TARBP1: variants seen among roughly 807,000 people sequenced by gnomAD.
The protein encoded by TARBP1 is tRNA guanosine 2 -O-methyltransferase TARBP1.
In TARBP1, 144 loss-of-function variants were observed where a neutral mutation model predicts 178.6. The observed-to-expected ratio is 0.81, with a 90% confidence interval of 0.70 to 0.93. TARBP1 has a LOEUF of 0.93. Among genes scored for constraint, TARBP1 ranks in the 40% least tolerant of loss-of-function variants. TARBP1 has a pLI of 0.00. For synonymous variants in TARBP1, 787 were observed against 781.0 expected, an observed-to-expected ratio of 1.01 and a Z score of -0.13; for missense variants, 2,067 against 2,011.7, an observed-to-expected ratio of 1.03 and a Z score of -0.53.
chr1:234,411,784 T>G (rs1661849362), intron 22 of TARBP1, among the ~76,000 whole-genome samples: 1 of 152,174 alleles, frequency 6.6e-6, no homozygotes, highest in African/African-American at 2.4e-5. Flanking sequence ...TATTATTATT[T>G]CATAATCATA....
At chr1:234,431,901 GC>G (rs1664466595) in intron 14 of TARBP1, among the ~76,000 whole-genome samples, 2 of 152,174 alleles carry the variant, frequency 1.3e-5, no homozygotes, top group African/African-American at 4.8e-5. Context: ...ACTTTGGGAG[GC>G]CGAGGTGGGT....
intron 11 of TARBP1, 142 bp from the exon 12 acceptor site, chr1:234,447,117 G>A (rs1054048017): frequency 1.2e-6 from 1 of 863,740 alleles, no homozygotes; most frequent in Non-Finnish European, 1.8e-6. Context: ...ACAACCAGCA[G>A]CTATGAGGAC....
chr1:234,450,752 A>T (rs1666664789), intron 9 of TARBP1, among the ~76,000 whole-genome samples, 186 bp from the exon 10 acceptor site: 1 of 150,976 alleles, frequency 6.6e-6, no homozygotes, highest in African/African-American at 2.4e-5. Context: ...CTATGTGTAT[A>T]TATATTTATG....
Position 234,471,249 on chromosome 1 carries a change from A to G in TARBP1, c.1038T>C (p.Val346=). ...METLEGNQIH[V]IKPVLPKLNN... is the part of the protein sequence containing the mutation. Reference sequence around the variant, plus strand: ...TTAGCTTTGGTAAAACTGGCTTTATAACATGTATCTAAAAATAAGAGCAAA... The same window carrying G: ...TTAGCTTTGGTAAAACTGGCTTTATGACATGTATCTAAAAATAAGAGCAAA... The change falls in exon 3 of 30, where the codon GTT becomes GTC. Residue 346 remains valine (V), a synonymous_variant. Transcript: ENST00000040877. 5 of 1,590,646 alleles carry G rather than the reference A, an allele frequency of 3.1e-6. No homozygotes were observed. The highest frequency in any genetic ancestry group is 3.4e-6 in the Non-Finnish European group (4 of 1,170,942).
At chr1:234,462,487 G>A (rs771586532) in intron 6 of TARBP1, among the ~76,000 whole-genome samples, 2 of 152,008 alleles carry the variant, frequency 1.3e-5, no homozygotes, top group African/African-American at 2.4e-5. Context: ...TCAAAACATC[G>A]AGACCATACT....
At chr1:234,398,751 AG>A (rs386640505) in intron 25 of TARBP1, among the ~76,000 whole-genome samples, 198 bp from the exon 26 acceptor site, 8 of 152,346 alleles carry the variant, frequency 5.3e-5, no homozygotes, top group African/African-American at 1.9e-4. Context: ...GGATTAATTT[AG>A]GAAACCCCTG....
rs370324568 is a variant in TARBP1, at chr1:234,392,478, T to C, written c.4635A>G (p.Gln1545=). 1 of 1,614,216 alleles carries C rather than the reference T, an allele frequency of 6.2e-7. No homozygotes were observed. The highest frequency in any genetic ancestry group is 1.3e-5 in the African/African-American group (1 of 75,062). ...GGGTTAGGTCTAAACTTTTGGCAGT[T>C]TGTTCCACTCCAATGATGGTATAAC... ...TEGYTIIGVE[Q]TAKSLDLTQY... is the part of the protein sequence containing the mutation. The change falls in exon 29 of 30, where the codon CAA becomes CAG. Residue 1545 remains glutamine, a synonymous_variant. Coordinates refer to ENST00000040877, the MANE Select transcript of TARBP1 (RefSeq NM_005646.4).
At chr1:234,404,522 A>G (rs1373552169) in intron 24 of TARBP1, among the ~76,000 whole-genome samples, 1 of 152,236 alleles carries the variant, frequency 6.6e-6, no homozygotes, top group African/African-American at 2.4e-5. Flanking sequence ...TACACCATAC[A>G]CCAAGGAGAA....
chr1:234,405,739 C>T (rs548591142), intron 24 of TARBP1, among the ~76,000 whole-genome samples, 164 bp downstream of exon 24: 1 of 152,132 alleles, frequency 6.6e-6, no homozygotes, highest in Admixed American at 6.5e-5. Context: ...TTAACTACAC[C>T]CCAAAGTGAG....
Position 234,460,326 on chromosome 1 carries a change from T to C in TARBP1, c.1470A>G (p.Leu490=). The C allele has an allele frequency of 1.2e-6, 2 of 1,614,184 alleles. No homozygotes were observed. The highest frequency in any genetic ancestry group is 1.7e-5 in the Admixed American group (1 of 60,028). Residue 490 remains leucine, a synonymous_variant, in exon 7 of 30, where the codon CTA becomes CTG. Transcript: ENST00000040877. ...TTGGGACATTTGCCAAAGCCTTAGA[T>C]AGAAACAAAATGGGAACAGCACACC... ...RHWCAVPILF[L]SKALANVPRH... is the part of the protein sequence containing the mutation.
Position 234,467,518 on chromosome 1 carries a change from G to A in TARBP1, c.1232C>T (p.Ser411Leu). Residue 411 changes from serine to leucine, a missense_variant, in exon 4 of 30, where the codon TCA becomes TTA. By Grantham distance (145) the Ser-to-Leu change is moderately radical. Transcript: ENST00000040877. ...TGTCATTACCTCAGAAAATTCTGGT[G>A]AAAATGGAAGAATCTTTGTTTCATA... is the stretch of plus-strand genomic sequence containing the variant. ...ELYETKILPF[S>L]PEFSEFIIGP... 1.3e-6 allele frequency: 2 copies of A among 1,589,966 alleles called. No homozygotes were observed. The highest frequency in any genetic ancestry group is 2.3e-5 in the East Asian group (1 of 43,276).
At chr1:234,439,343 AAAGGGGG>A (rs1334163553) in intron 12 of TARBP1, among the ~76,000 whole-genome samples, 4 of 152,194 alleles carry the variant, frequency 2.6e-5, no homozygotes, top group Non-Finnish European at 4.4e-5. Flanking sequence ...TAGACAGGGG[AAAGGGGG>A]AAGGGCCCTA....
At chr1:234,474,799 G>A (rs1374910043) in intron 1 of TARBP1, among the ~76,000 whole-genome samples, 1 of 152,170 alleles carries the variant, frequency 6.6e-6, no homozygotes, top group South Asian at 2.1e-4. Flanking sequence ...TGCTCATTAG[G>A]ACATAGAAAA....
chr1:234,475,503 G>A (rs1412377321), intron 1 of TARBP1, among the ~76,000 whole-genome samples: 4 of 152,198 alleles, frequency 2.6e-5, no homozygotes, highest in East Asian at 1.9e-4. Context: ...GCTGGAGGAG[G>A]GCAGGACGCT....
Position 234,478,328 on chromosome 1 carries a change from G to C in TARBP1, c.776C>G (p.Ala259Gly), listed in dbSNP as rs1217079864. The C allele has an allele frequency of 7.3e-7, 1 of 1,367,232 alleles. No homozygotes were observed. Among genetic ancestry groups the C allele is most frequent in the Admixed American group, 3.1e-5 (1 of 32,302 alleles). The allele number at this position is 1,367,232 out of a possible 1,614,324, so 84.7% of individuals were successfully genotyped here. ...CCTCCAGAAGCGCCAGCAGCGCCGG[G>C]CGTCCGGGCCCGCCTCGCGCGCGCC... The part of the protein sequence containing the change: ...ARGAREAGPD[A>G]RRCWRFWRTV... Residue 259 changes from alanine to glycine, a missense_variant, in exon 1 of 30, where the codon GCC (alanine) becomes GGC (glycine). Coordinates refer to ENST00000040877, the MANE Select transcript of TARBP1 (RefSeq NM_005646.4).
At chr1:234,443,586 G>T (rs1435465141) in intron 12 of TARBP1, among the ~76,000 whole-genome samples, 1 of 152,096 alleles carries the variant, frequency 6.6e-6, no homozygotes, top group African/African-American at 2.4e-5. Flanking sequence ...AAATTAAACA[G>T]AATTACCATA....
At chr1:234,423,032 T>C (rs1454094799) in intron 20 of TARBP1, among the ~76,000 whole-genome samples, 1 of 152,200 alleles carries the variant, frequency 6.6e-6, no homozygotes, top group African/African-American at 2.4e-5. Flanking sequence ...TTCTGTAGAC[T>C]GGGGGCAGGG....
rs1169636273 is a variant in TARBP1, at chr1:234,433,489, C to G, written c.2315G>C (p.Arg772Thr). The change falls in exon 14 of 30, where the codon AGG (arginine) becomes ACG (threonine). Residue 772 changes from arginine to threonine, a missense_variant. Coordinates refer to ENST00000040877, the MANE Select transcript of TARBP1 (RefSeq NM_005646.4). ...INLHLKVGWK[R>T]GNPIWRVISL... ...AATAACTCTCCAGATAGGGTTACCC[C>G]TTTTCCACCCAACCTTCAAATGCAG... is the stretch of plus-strand genomic sequence containing the variant. 2 of 1,613,948 alleles carry G rather than the reference C, an allele frequency of 1.2e-6. No homozygotes were observed. Among genetic ancestry groups the G allele is most frequent in the African/African-American group, 1.3e-5 (1 of 74,918 alleles).
chr1:234,421,331 C>A (rs1209897802), intron 20 of TARBP1, among the ~76,000 whole-genome samples: 2 of 152,246 alleles, frequency 1.3e-5, no homozygotes, highest in South Asian at 2.1e-4. Context: ...TCAGGTGATC[C>A]ACCCGCCTCA....
Sources: gnomAD v4.1 joint callset for allele counts (sites outside exome capture counted in the v4.1 genomes callset) on GRCh38, gnomAD v4.1.1 for gene constraint, MANE v1.5 for transcripts, NCBI Gene and HGNC (gene_info 2026-07-23, HGNC 2026-07-21) for gene names.